The following EYS variants were observed in gnomAD, a reference collection of about 807,000 sequenced individuals.
EYS encodes protein eyes shut homolog.
A neutral mutation model predicts 282.1 loss-of-function variants in EYS; 250 were observed. The observed-to-expected ratio is 0.89, with a 90% CI of 0.80 to 0.98. EYS has a LOEUF of 0.98. Among genes scored for constraint, EYS ranks in the 50% least tolerant of loss-of-function variants. The probability of loss-of-function intolerance (pLI) is 0.00; values close to 1 mark genes in which losing one functional copy is unlikely to be tolerated. For missense variants in EYS, 4,016 were observed against 3,709.0 expected (o/e 1.08, Z -2.15); for synonymous variants, 1,355 against 1,282.9 (o/e 1.06, Z -1.20).
intron 30 of EYS, among the ~76,000 whole-genome samples, chr6:64,294,071 G>C (rs893478680): frequency 2.3e-5 from 3 of 130,926 alleles, no homozygotes; most frequent in African/African-American, 8.7e-5. Flanking sequence ...AATAGAGATA[G>C]AAAATGCTAT....
chr6:65,611,099 A>T (rs1433426846), intron 2 of EYS, among the ~76,000 whole-genome samples: 1 of 152,008 alleles, frequency 6.6e-6, no homozygotes. Flanking sequence ...ATGCCCAGGA[A>T]ATAATACATA....
At chr6:65,450,541 TG>T (rs1184671640) in intron 5 of EYS, among the ~76,000 whole-genome samples, 1 of 152,132 alleles carries the variant, frequency 6.6e-6, no homozygotes, top group Non-Finnish European at 1.5e-5. Context: ...CAGTGATTTA[TG>T]AAGCTAAAAA....
intron 1 of EYS, among the ~76,000 whole-genome samples, chr6:65,706,585 C>T (rs1463371381): frequency 6.6e-6 from 1 of 151,910 alleles, no homozygotes; most frequent in Admixed American, 6.6e-5. Flanking sequence ...TAAACAACCA[C>T]GTACAAAGGA....
intron 34 of EYS, among the ~76,000 whole-genome samples, chr6:63,989,855 A>G (rs1380638582): frequency 2.0e-5 from 3 of 151,468 alleles, no homozygotes; most frequent in African/African-American, 7.3e-5. Context: ...TATATATGGC[A>G]TATTGCATAG....
At chr6:65,276,692 A>G (rs569635247) in intron 12 of EYS, among the ~76,000 whole-genome samples, 1 of 152,264 alleles carries the variant, frequency 6.6e-6, no homozygotes, top group East Asian at 1.9e-4. Context: ...ACTAATGGCT[A>G]AGTTTCTTCA....
At chr6:64,291,530 C>A (rs1768707097) in intron 30 of EYS, among the ~76,000 whole-genome samples, 1 of 151,892 alleles carries the variant, frequency 6.6e-6, no homozygotes, top group Non-Finnish European at 1.5e-5. Context: ...GTAAAGCAGA[C>A]AATGCACAAA....
At chr6:65,049,800 G>C (rs748676430) in intron 13 of EYS, among the ~76,000 whole-genome samples, 1 of 151,566 alleles carries the variant, frequency 6.6e-6, no homozygotes, top group South Asian at 2.1e-4. Flanking sequence ...TAAAACGTAC[G>C]GTATAGTTAA....
intron 13 of EYS, among the ~76,000 whole-genome samples, chr6:65,016,332 A>G (rs1231651162): frequency 1.3e-5 from 2 of 152,212 alleles, no homozygotes; most frequent in Non-Finnish European, 2.9e-5. Flanking sequence ...CATATGTTAA[A>G]CTTCTTAAAG....
chr6:63,931,729 A>G (rs1764900908), intron 35 of EYS, among the ~76,000 whole-genome samples: 1 of 152,218 alleles, frequency 6.6e-6, no homozygotes, highest in South Asian at 2.1e-4. Context: ...ACATCAGGGT[A>G]ATTAGCATAC....
chr6:64,880,619 T>A (rs1011080540), intron 19 of EYS, among the ~76,000 whole-genome samples: 1 of 151,546 alleles, frequency 6.6e-6, no homozygotes, highest in African/African-American at 2.4e-5. Context: ...TCCATTTAAA[T>A]TCACTTCCCC....
intron 35 of EYS, among the ~76,000 whole-genome samples, chr6:63,914,351 G>A (rs1294738213): frequency 6.6e-6 from 1 of 152,192 alleles, no homozygotes; most frequent in East Asian, 1.9e-4. Flanking sequence ...AAACAGCCAA[G>A]TTGTAAATGC....
Position 64,306,992 on chromosome 6 carries a change from T to C in EYS, c.6169A>G (p.Asn2057Asp). The stretch of plus-strand genomic sequence containing the variant: ...TACCTGCAATTGTTAATGTGATAGT[T>C]TTTCACTGCCTTGGATGGAATGAAA... ...RSFIPSKAVK[N>D]YHINNCRSQG... The change falls in exon 30 of 43, where the codon AAC (asparagine) becomes GAC (aspartate). Residue 2057 changes from asparagine (N) to aspartate (D), a missense_variant. Physicochemically the swap from Asn to Asp is conservative, Grantham distance 23. Coordinates refer to ENST00000503581, the MANE Select transcript of EYS (RefSeq NM_001142800.2). 6.5e-7 allele frequency: 1 copy of C among 1,527,590 alleles called. No homozygotes were observed. 94.6% of individuals were successfully genotyped at this position (1,527,590 alleles called of 1,614,324 possible).
At chr6:64,187,830 T>C (rs1422809121) in intron 31 of EYS, among the ~76,000 whole-genome samples, 1 of 152,080 alleles carries the variant, frequency 6.6e-6, no homozygotes, top group Non-Finnish European at 1.5e-5. Context: ...TAGACAGATT[T>C]TTTTTTTAAA....
At chr6:65,699,963 A>C (rs1381873159) in intron 1 of EYS, among the ~76,000 whole-genome samples, 6 of 151,556 alleles carry the variant, frequency 4.0e-5, no homozygotes, top group Non-Finnish European at 5.9e-5. Context: ...AAATACAAAA[A>C]AATTAGCCGG....
intron 29 of EYS, among the ~76,000 whole-genome samples, chr6:64,372,441 C>T (rs190099531): frequency 2.8e-4 from 42 of 152,068 alleles, no homozygotes; most frequent in African/African-American, 9.6e-4. Context: ...CTGTGGGTAA[C>T]CTGCCCCTAC....
At position 64,402,664 on chromosome 6, in the gene EYS, C is replaced by T. The variant is rs141290218; in HGVS notation, c.5928-13824G>A. The stretch of plus-strand genomic sequence containing the variant: ...CACTAGTCAGATTTCCTAACATTGA[C>T]AGGCAATTGAACAAAGATTAGCTAA... On this transcript the variant is annotated intron_variant, in intron 28 of 42. Transcript: ENST00000503581. Among the ~76,000 whole-genome samples the T allele has an allele frequency of 2.3e-3, 345 of 152,226 alleles. 2 individuals are homozygous for T. The highest frequency in any genetic ancestry group is 8.0e-3 in the African/African-American group (332 of 41,526).
intron 35 of EYS, among the ~76,000 whole-genome samples, chr6:63,933,249 T>C (rs1318486638): frequency 6.6e-6 from 1 of 152,220 alleles, no homozygotes; most frequent in East Asian, 1.9e-4. Context: ...TTTTATTTTT[T>C]TGAGACAAAG....
chr6:65,279,466 T>G (rs921236296), intron 12 of EYS, among the ~76,000 whole-genome samples: 6 of 152,172 alleles, frequency 3.9e-5, no homozygotes, highest in African/African-American at 1.4e-4. Flanking sequence ...CATACCACAC[T>G]TTCCCTAACT....
At chr6:65,472,244 G>A (rs1008322342) in intron 5 of EYS, among the ~76,000 whole-genome samples, 1 of 152,052 alleles carries the variant, frequency 6.6e-6, no homozygotes, top group Non-Finnish European at 1.5e-5. Flanking sequence ...AAAATATTTT[G>A]TAAGTCTGAA....
Sources: gnomAD v4.1 joint callset for allele counts (sites outside exome capture counted in the v4.1 genomes callset) on GRCh38, gnomAD v4.1.1 for gene constraint, MANE v1.5 for transcripts, NCBI Gene and HGNC (gene_info 2026-07-23, HGNC 2026-07-21) for gene names.